The following ULK4 variants were observed in gnomAD, a reference collection of about 807,000 sequenced individuals.
ULK4 encodes the protein inactive serine/threonine-protein kinase ULK4.
A neutral mutation model predicts 160.6 loss-of-function variants in ULK4; 133 were observed. The ratio of observed to expected loss-of-function variants is 0.83; its 90% CI spans 0.72 to 0.96. The LOEUF is 0.96. Ranked by LOEUF, ULK4 falls within the 40% of genes least tolerant of loss-of-function variation. The pLI, the probability that ULK4 is intolerant of heterozygous loss-of-function variation, is 0.00. For synonymous variants in ULK4, 534 were observed against 539.8 expected (o/e 0.99, Z 0.15); for missense variants, 1,580 against 1,499.5 (o/e 1.05, Z -0.89).
intron 1 of ULK4, among the ~76,000 whole-genome samples, chr3:41,957,988 G>A (rs1326514523): frequency 6.7e-6 from 1 of 149,872 alleles, no homozygotes; most frequent in Non-Finnish European, 1.5e-5. Context: ...AGGTTGCAGT[G>A]AGCCAAGATC....
At chr3:41,670,600 T>C (rs927418646) in intron 29 of ULK4, among the ~76,000 whole-genome samples, 1 of 151,836 alleles carries the variant, frequency 6.6e-6, no homozygotes, top group African/African-American at 2.4e-5. Flanking sequence ...CACATATACA[T>C]ATATATACAT....
chr3:41,843,658 A>G (rs7634561), intron 17 of ULK4, among the ~76,000 whole-genome samples: 10,903 of 152,168 alleles, frequency 0.072, 1,233 homozygotes, highest in African/African-American at 0.24. Context: ...GTTACAGCTC[A>G]TAAAGGCAGT....
chr3:41,492,363 T>C (rs1209930646), intron 32 of ULK4, among the ~76,000 whole-genome samples: 2 of 151,520 alleles, frequency 1.3e-5, no homozygotes, highest in African/African-American at 2.4e-5. Context: ...GTAAAAGTGT[T>C]CCTATTTCTC....
At chr3:41,751,595 T>G (rs927849512) in intron 22 of ULK4, among the ~76,000 whole-genome samples, 5 of 152,192 alleles carry the variant, frequency 3.3e-5, no homozygotes, top group African/African-American at 9.6e-5. Context: ...CTGCTTCAGC[T>G]TCTAAACATT....
chr3:41,302,706 AACAG>A (rs1315670119), intron 35 of ULK4, among the ~76,000 whole-genome samples: 1 of 152,240 alleles, frequency 6.6e-6, no homozygotes, highest in Non-Finnish European at 1.5e-5. Context: ...ATTTTAAGTG[AACAG>A]ACAAATTTAA....
chr3:41,660,231 G>T (rs375878985), intron 30 of ULK4, among the ~76,000 whole-genome samples: 1 of 152,012 alleles, frequency 6.6e-6, no homozygotes, highest in African/African-American at 2.4e-5. Context: ...GGAAGCGGAG[G>T]TTGTGATGAG....
intron 31 of ULK4, among the ~76,000 whole-genome samples, chr3:41,591,262 G>A (rs1238832396): frequency 6.6e-6 from 1 of 152,076 alleles, no homozygotes; most frequent in African/African-American, 2.4e-5. Context: ...AGATGAAGGT[G>A]AAATAAAAAC....
intron 17 of ULK4, chr3:41,854,936 C>A (rs962814455): frequency 2.8e-5 from 4 of 144,172 alleles, no homozygotes; most frequent in African/African-American, 8.0e-5. Flanking sequence ...GGCCTATACA[C>A]CCATCCTTGG....
chr3:41,452,918 A>C (rs963285277), intron 34 of ULK4, among the ~76,000 whole-genome samples: 1 of 152,206 alleles, frequency 6.6e-6, no homozygotes, highest in Admixed American at 6.5e-5. Flanking sequence ...AACATGGAAT[A>C]AAGTTAAGAG....
chr3:41,519,425 T>A (rs1303716081), intron 32 of ULK4, among the ~76,000 whole-genome samples: 2 of 152,202 alleles, frequency 1.3e-5, no homozygotes, highest in Admixed American at 6.5e-5. Context: ...TGATAATCAG[T>A]CGCTAATTTC....
At chr3:41,911,462 T>G in intron 10 of ULK4, 76 bp from the exon 11 acceptor site, 1 of 1,587,100 alleles carries the variant, frequency 6.3e-7, no homozygotes. Flanking sequence ...CACAAAGATT[T>G]AAAGGGACAT....
Position 41,490,630 on chromosome 3 carries a change from A to G in ULK4, c.3227-27377T>C, listed in dbSNP as rs370802459. Among the ~76,000 whole-genome samples, 10 of 152,360 alleles carry G rather than the reference A, an allele frequency of 6.6e-5. No homozygotes were observed. In the East Asian group the frequency reaches 1.3e-3, roughly 21 times the overall value. On this transcript the variant is annotated intron_variant, in intron 32 of 36. Transcript: ENST00000301831. ...TCCCCAACTAGACTGCAAGCTCCTC[A>G]AAGAATGGAACTCTATTTGAAGGCA...
intron 31 of ULK4, among the ~76,000 whole-genome samples, chr3:41,570,600 G>A (rs1272667307): frequency 6.6e-6 from 1 of 152,160 alleles, no homozygotes; most frequent in Non-Finnish European, 1.5e-5. Flanking sequence ...AGTCTTACTA[G>A]AAATAAATCT....
chr3:41,651,033 G>A (rs1172617173), intron 30 of ULK4, among the ~76,000 whole-genome samples: 1 of 152,074 alleles, frequency 6.6e-6, no homozygotes, highest in African/African-American at 2.4e-5. Flanking sequence ...AGTTATTGAT[G>A]TTCCCTGTCT....
chr3:41,595,054 T>C (rs1182912131), intron 31 of ULK4, among the ~76,000 whole-genome samples: 1 of 152,206 alleles, frequency 6.6e-6, no homozygotes, highest in African/African-American at 2.4e-5. Flanking sequence ...AAGATCGATT[T>C]GGCTCTATAA....
At chr3:41,547,735 C>T (rs931217236) in intron 32 of ULK4, among the ~76,000 whole-genome samples, 8 of 152,204 alleles carry the variant, frequency 5.3e-5, no homozygotes, top group African/African-American at 1.4e-4. Flanking sequence ...TCTCTATGTC[C>T]CTGGAGTCCT....
intron 19 of ULK4, 100 bp from the exon 20 acceptor site, chr3:41,800,393 C>A: frequency 1.6e-6 from 2 of 1,224,686 alleles, no homozygotes; most frequent in Non-Finnish European, 2.3e-6. Context: ...AAGACAGTAA[C>A]ATGCCTCTGG....
intron 35 of ULK4, among the ~76,000 whole-genome samples, chr3:41,305,570 C>CA (rs2079893783): frequency 1.3e-5 from 2 of 152,338 alleles, no homozygotes; most frequent in African/African-American, 4.8e-5. Context: ...CGGCTCGCTA[C>CA]AACGTCCACC....
intron 35 of ULK4, among the ~76,000 whole-genome samples, chr3:41,307,246 C>T (rs952441976): frequency 5.9e-5 from 9 of 151,888 alleles, no homozygotes; most frequent in Non-Finnish European, 7.4e-5. Flanking sequence ...TGCGGCTACT[C>T]GGCCTGATTC....
Sources: gnomAD v4.1 joint callset for allele counts (sites outside exome capture counted in the v4.1 genomes callset) on GRCh38, gnomAD v4.1.1 for gene constraint, MANE v1.5 for transcripts, NCBI Gene and HGNC (gene_info 2026-07-23, HGNC 2026-07-21) for gene names.